The following MTERF1 variants were observed in gnomAD, a reference collection of about 807,000 sequenced individuals.
MTERF1 encodes transcription termination factor 1, mitochondrial.
MTERF1 carries 29 observed loss-of-function variants against 31.6 expected under a neutral mutation model. That is an observed-to-expected ratio of 0.92 (90% CI 0.68 to 1.25). The LOEUF (loss-of-function observed/expected upper bound fraction) is 1.25. Among genes scored for constraint, MTERF1 ranks in the 50% most tolerant of loss-of-function variants. The pLI is 0.00. For missense variants in MTERF1, 500 were observed against 469.1 expected (o/e 1.07, Z -0.61); for synonymous variants, 152 against 164.1 (o/e 0.93, Z 0.57).
Position 91,874,746 on chromosome 7 carries a change from G to A in MTERF1, c.48C>T (p.Asn16=), listed in dbSNP as rs190619742. ...LGQTSISKGL[N]YLTIMAPGNL... is the part of the protein sequence containing the mutation. ...TTCCTGGTGCCATAATGGTTAGGTA[G>A]TTCAAACCTTTTGAAATGCTGTGTA... The change falls in exon 3 of 3, where the codon AAC becomes AAT. Residue 16 remains asparagine, a synonymous_variant. Coordinates refer to ENST00000351870, the MANE Select transcript of MTERF1 (RefSeq NM_006980.5). The A allele has an allele frequency of 3.2e-5, 52 of 1,602,620 alleles. No individual in the cohort carries two copies. In the East Asian group the frequency reaches 8.0e-4, roughly 25 times the overall value.
In MTERF1 at chr7:91,873,640, T is replaced by C; in HGVS notation, c.1154A>G (p.Lys385Arg). The C allele has an allele frequency of 6.2e-7, 1 of 1,608,114 alleles. No homozygotes were observed. Among genetic ancestry groups the C allele is most frequent in the East Asian group, 2.2e-5 (1 of 44,856 alleles). ...TTTCAATTTAGCTTCATATCTTTTT[T>C]TACTCCAAGATAGAAGAGTGATGTT... ...TLNITLLSWSKKRYEAKLKKL... is the reference protein window; with the variant it reads ...TLNITLLSWSRKRYEAKLKKL... The change falls in exon 3 of 3, where the codon AAA becomes AGA. Residue 385 changes from lysine (K) to arginine (R), a missense_variant. Physicochemically the swap from Lys to Arg is conservative, Grantham distance 26. Transcript: ENST00000351870.
intron 2 of MTERF1, among the ~76,000 whole-genome samples, chr7:91,875,220 C>T (rs1310785088): frequency 6.6e-6 from 1 of 151,354 alleles, no homozygotes; most frequent in South Asian, 2.1e-4. Flanking sequence ...ATCAGTTGAC[C>T]CTCTCCATCT....
At chr7:91,878,182 CAA>C (rs574439408) in intron 2 of MTERF1, among the ~76,000 whole-genome samples, 62 of 152,200 alleles carry the variant, frequency 4.1e-4, no homozygotes, top group African/African-American at 1.4e-3. Context: ...TTATAGAAAA[CAA>C]GAGCTGAAAT....
chr7:91,880,066 TAAGG>T lies in MTERF1; in HGVS notation c.14_17del (p.Ser5Ter), dbSNP rs1018047786. The T allele has an allele frequency of 8.7e-6, 14 of 1,613,934 alleles. No individual in the cohort carries two copies. Among genetic ancestry groups the T allele is most frequent in the Non-Finnish European group, 1.1e-5 (13 of 1,180,016 alleles). On this transcript the variant is annotated frameshift_variant, in exon 2 of 3. Transcript: ENST00000351870. LOFTEE classifies it high-confidence loss of function. The stretch of plus-strand genomic sequence containing the variant: ...CATGCATTTCTCACCTTGTTTGTCC[TAAGG>T]AAAGGCTCTGCATCCCTCCAGAAAG...
rs1211973413 is a variant in MTERF1, at chr7:91,871,077, A to G, written c.*2517T>C. ...TGAGCTGGGATTACATGGCTGGCCA[A>G]TATTTCTATAATTCTATCTTTAAAA... On this transcript the variant is annotated 3_prime_UTR_variant, in exon 3 of 3. Coordinates refer to ENST00000351870, the MANE Select transcript of MTERF1 (RefSeq NM_006980.5). The G allele has an allele frequency of 6.6e-6, 1 of 151,974 alleles. No homozygotes were observed. The highest frequency in any genetic ancestry group is 1.5e-5 in the Non-Finnish European group (1 of 68,012). 9.4% of individuals were successfully genotyped at this position (151,974 alleles called of 1,614,324 possible). A position where few individuals can be genotyped will look rare whatever the true frequency, so the allele number is the denominator to read the frequency against.
At chr7:91,876,992 A>G in intron 2 of MTERF1, 4 of 931,218 alleles carry the variant, frequency 4.3e-6, no homozygotes, top group Non-Finnish European at 5.1e-6. Context: ...GAGAGGTCCA[A>G]GATGATACAA....
chr7:91,875,135 C>T (rs531563230), intron 2 of MTERF1, among the ~76,000 whole-genome samples: 4 of 152,304 alleles, frequency 2.6e-5, no homozygotes, highest in Admixed American at 6.5e-5. Flanking sequence ...AGGTGGGGCA[C>T]CATTAGTGCC....
chr7:91,876,944 C>A (rs977123644), intron 2 of MTERF1: 1 of 985,302 alleles, frequency 1.0e-6, no homozygotes. Flanking sequence ...AATAAAGGGG[C>A]AGAATGCGTC....
At chr7:91,877,050 A>G (rs1789362755) in intron 2 of MTERF1, 1 of 492,496 alleles carries the variant, frequency 2.0e-6, no homozygotes, top group Admixed American at 6.4e-5. Context: ...TATTTGTCTT[A>G]GCCTTTGAAA....
chr7:91,878,646 A>C (rs901719052), intron 2 of MTERF1, among the ~76,000 whole-genome samples: 3 of 152,018 alleles, frequency 2.0e-5, no homozygotes, highest in Admixed American at 6.6e-5. Flanking sequence ...ACCAGCCTGG[A>C]CAACAAAGTG....
intron 2 of MTERF1, among the ~76,000 whole-genome samples, chr7:91,875,185 C>T (rs1266262373): frequency 6.6e-6 from 1 of 152,142 alleles, no homozygotes; most frequent in African/African-American, 2.4e-5. Flanking sequence ...TTTTTGTTTA[C>T]CTTTGCCTGC....
rs1344783350 is a variant in MTERF1, at chr7:91,873,772, C to T, written c.1022G>A (p.Ser341Asn). The change falls in exon 3 of 3, where the codon AGC becomes AAC. Residue 341 changes from serine to asparagine, a missense_variant. Ser to Asn is a conservative substitution (Grantham distance 46). Coordinates refer to ENST00000351870, the MANE Select transcript of MTERF1 (RefSeq NM_006980.5). ...AGGATTTTCGATTATTTGTGAAATGCTAATGTTTTCTTCCATGAGGCAGTC... is the reference window on the plus strand; with the variant it reads ...AGGATTTTCGATTATTTGTGAAATGTTAATGTTTTCTTCCATGAGGCAGTC... The part of the protein sequence containing the change: ...KIDCLMEENI[S>N]ISQIIENPRV... 4 of 1,613,980 alleles carry T rather than the reference C, an allele frequency of 2.5e-6. No homozygotes were observed. The highest frequency in any genetic ancestry group is 1.3e-5 in the African/African-American group (1 of 74,930).
In MTERF1 at chr7:91,873,656, G is replaced by C. The variant is rs761326141; in HGVS notation, c.1138C>G (p.Leu380Val). The change falls in exon 3 of 3, where the codon CTT (leucine) becomes GTT (valine). Residue 380 changes from leucine to valine, a missense_variant. Transcript: ENST00000351870. ...TATCTTTTTTTACTCCAAGATAGAA[G>C]AGTGATGTTTAAAGTACTCAAGTTA... is the stretch of plus-strand genomic sequence containing the variant. ...GCNLSTLNITLLSWSKKRYEA... is the reference protein window; with the variant it reads ...GCNLSTLNITVLSWSKKRYEA... The C allele has an allele frequency of 2.2e-5, 36 of 1,613,680 alleles. No homozygotes were observed. In the Admixed American group the frequency reaches 5.8e-4, roughly 26 times the overall value.
chr7:91,873,906 G>C lies in MTERF1; in HGVS notation c.888C>G (p.Ile296Met). Residue 296 changes from isoleucine (I) to methionine (M), a missense_variant, in exon 3 of 3, where the codon ATC becomes ATG. Coordinates refer to ENST00000351870, the MANE Select transcript of MTERF1 (RefSeq NM_006980.5). ...ATCCAAGAGAAAACAGCTTCTCTTT[G>C]ATGTTTGCGTAGCTTCTTCTGGCAT... ...NDYARRSYAN[I>M]KEKLFSLGCT... 4 of 1,613,970 alleles carry C rather than the reference G, an allele frequency of 2.5e-6. No individual in the cohort carries two copies. The highest frequency in any genetic ancestry group is 3.4e-6 in the Non-Finnish European group (4 of 1,180,002).
intron 2 of MTERF1, 60 bp from the exon 3 acceptor site, chr7:91,874,824 A>G: frequency 1.6e-6 from 2 of 1,213,226 alleles, no homozygotes; most frequent in South Asian, 3.0e-5. Flanking sequence ...CTAAATGACC[A>G]TATTACAATC....
At position 91,873,391 on chromosome 7, in the gene MTERF1, AG is replaced by A. The variant is rs1789232717; in HGVS notation, c.*202del. On this transcript the variant is annotated 3_prime_UTR_variant, in exon 3 of 3. Coordinates refer to ENST00000351870, the MANE Select transcript of MTERF1 (RefSeq NM_006980.5). The stretch of plus-strand genomic sequence containing the variant: ...TCAAAAGTAGTTGTCTTTCTTATAC[AG>A]GATCACTCTGACCTCCTCTTTTGCC... 2 of 506,056 alleles carry A rather than the reference AG, an allele frequency of 4.0e-6. No individual in the cohort carries two copies. Among genetic ancestry groups the A allele is most frequent in the East Asian group, 3.2e-5 (1 of 31,046 alleles). 31.3% of individuals were successfully genotyped at this position (506,056 alleles called of 1,614,324 possible). A position where few individuals can be genotyped will look rare whatever the true frequency, so the allele number is the denominator to read the frequency against.
Position 91,874,031 on chromosome 7 carries a change from T to C in MTERF1, c.763A>G (p.Asn255Asp). The stretch of plus-strand genomic sequence containing the variant: ...AAAGTTGACCGTAAGAATTCAATGT[T>C]AGCTTTCACCCGCTTGGTGCTCTGA... ...LIQSTKRVKANIEFLRSTFNL... is the reference protein window; with the variant it reads ...LIQSTKRVKADIEFLRSTFNL... Residue 255 changes from asparagine to aspartate, a missense_variant, in exon 3 of 3, where the codon AAC becomes GAC. By Grantham distance (23) the Asn-to-Asp change is conservative. Transcript: ENST00000351870. 9 of 1,614,128 alleles carry C rather than the reference T, an allele frequency of 5.6e-6. No individual in the cohort carries two copies. Among genetic ancestry groups the C allele is most frequent in the Non-Finnish European group, 7.6e-6 (9 of 1,180,032 alleles).
At chr7:91,879,340 A>T (rs1272468238) in intron 2 of MTERF1, among the ~76,000 whole-genome samples, 1 of 152,222 alleles carries the variant, frequency 6.6e-6, no homozygotes, top group Non-Finnish European at 1.5e-5. Context: ...CAGATATTCT[A>T]CATGACAAAC....
Position 91,874,508 on chromosome 7 carries a change from C to T in MTERF1, c.286G>A (p.Val96Ile), listed in dbSNP as rs368513161. The T allele has an allele frequency of 4.3e-6, 7 of 1,613,994 alleles. No individual in the cohort carries two copies. The highest frequency in any genetic ancestry group is 5.9e-6 in the Non-Finnish European group (7 of 1,180,028). ...IDMARKRQPGVFHRMITNEQD... is the reference protein window; with the variant it reads ...IDMARKRQPGIFHRMITNEQD... ...TCATTGGTAATCATCCTATGAAAAA[C>T]TCCAGGCTGTCGTTTCCTTGCCATG... Residue 96 changes from valine to isoleucine, a missense_variant, in exon 3 of 3, where the codon GTT becomes ATT. Val to Ile is a conservative substitution (Grantham distance 29, BLOSUM62 3). Coordinates refer to ENST00000351870, the MANE Select transcript of MTERF1 (RefSeq NM_006980.5).
Sources: gnomAD v4.1 joint callset for allele counts (sites outside exome capture counted in the v4.1 genomes callset) on GRCh38, gnomAD v4.1.1 for gene constraint, MANE v1.5 for transcripts, NCBI Gene and HGNC (gene_info 2026-07-23, HGNC 2026-07-21) for gene names.